OR3A2: variants seen among roughly 807,000 people sequenced by gnomAD.
OR3A2 encodes olfactory receptor 3A2.
For synonymous variants in OR3A2, 126 were observed against 159.3 expected (o/e 0.79, Z 1.57); for missense variants, 318 against 392.8 (o/e 0.81, Z 1.61).
At chr17:3,374,137 G>A (rs1232472247) in intron 2 of OR3A2, among the ~76,000 whole-genome samples, 1 of 152,126 alleles carries the variant, frequency 6.6e-6, no homozygotes, top group Admixed American at 6.5e-5. Context: ...AATCCCTTCT[G>A]GCTTGTAGGG....
At chr17:3,283,830 C>T (rs1597316693) in intron 1 of OR3A2, among the ~76,000 whole-genome samples, 1 of 150,812 alleles carries the variant, frequency 6.6e-6, no homozygotes, top group Non-Finnish European at 1.5e-5. Flanking sequence ...AGAAGAACCA[C>T]TAAACAGCTG....
intron 3 of OR3A2, among the ~76,000 whole-genome samples, chr17:3,300,848 C>T (rs1389934151): frequency 6.9e-6 from 1 of 145,956 alleles, no homozygotes; most frequent in Non-Finnish European, 1.5e-5. Flanking sequence ...CCCCTCCCCC[C>T]ATCCCACGAC....
At chr17:3,276,522 A>G (rs891167266), downstream of OR3A2, among the ~76,000 whole-genome samples, 2 of 152,232 alleles carry the variant, frequency 1.3e-5, no homozygotes, top group African/African-American at 2.4e-5. Flanking sequence ...TAGGTATAAC[A>G]TTCTGAATAA....
chr17:3,372,535 T>C (rs230400), intron 2 of OR3A2, among the ~76,000 whole-genome samples: 3,037 of 151,978 alleles, frequency 0.02, 111 homozygotes, highest in African/African-American at 0.067. Flanking sequence ...CTGGGCACCA[T>C]TGAGCACTGA....
At chr17:3,292,022 G>A (rs750688172) in intron 3 of OR3A2, 11 of 1,614,240 alleles carry the variant, frequency 6.8e-6, no homozygotes, top group Non-Finnish European at 9.3e-6. Flanking sequence ...AGAGCTGGAA[G>A]AGCTGTGGGA....
rs573020254 is a variant in OR3A2, at chr17:3,349,416, A to C, written c.-178-13290T>G. The stretch of plus-strand genomic sequence containing the variant: ...GATAAAACAGACTTTAAACCAACAA[A>C]GATCAAAAGAGACAAAGAAGGCCAT... On this transcript the variant is annotated intron_variant, in intron 2 of 4. Transcript: ENST00000573491. Among the ~76,000 whole-genome samples, 13 of 151,790 alleles carry C rather than the reference A, an allele frequency of 8.6e-5. No individual in the cohort carries two copies. The South Asian group carries it at 2.7e-3, about 32-fold the overall frequency.
intron 3 of OR3A2, among the ~76,000 whole-genome samples, chr17:3,323,782 C>T (rs556920647): frequency 6.6e-6 from 1 of 152,020 alleles, no homozygotes; most frequent in South Asian, 2.1e-4. Context: ...TCTCTGGCTG[C>T]CCTTAACATT....
chr17:3,372,048 G>A (rs2049632375), intron 2 of OR3A2, among the ~76,000 whole-genome samples: 4 of 136,150 alleles, frequency 2.9e-5, no homozygotes, highest in African/African-American at 1.2e-4. Flanking sequence ...CCGGGCGGAG[G>A]GGCTCCTCAC....
intron 2 of OR3A2, among the ~76,000 whole-genome samples, chr17:3,348,461 G>C (rs563440454): frequency 2.0e-5 from 3 of 152,186 alleles, no homozygotes; most frequent in East Asian, 1.9e-4. Context: ...GAAATGAAGC[G>C]AGAAGGGAAG....
intron 2 of OR3A2, among the ~76,000 whole-genome samples, chr17:3,338,173 C>T (rs1258394827): frequency 6.6e-6 from 1 of 152,066 alleles, no homozygotes; most frequent in Non-Finnish European, 1.5e-5. Flanking sequence ...GGACATTAGC[C>T]CTTTGTCAGA....
chr17:3,320,411 T>C (rs1262848536), intron 3 of OR3A2, among the ~76,000 whole-genome samples: 2 of 143,674 alleles, frequency 1.4e-5, no homozygotes, highest in African/African-American at 2.6e-5. Context: ...TTTTGTCTTT[T>C]GTTGCCATTG....
chr17:3,344,661 T>C (rs1436791371), intron 2 of OR3A2, among the ~76,000 whole-genome samples: 1 of 152,136 alleles, frequency 6.6e-6, no homozygotes, highest in African/African-American at 2.4e-5. Flanking sequence ...ACCACCTACA[T>C]AACCACACTC....
chr17:3,314,882 T>C (rs2049069138), intron 3 of OR3A2, among the ~76,000 whole-genome samples: 1 of 152,166 alleles, frequency 6.6e-6, no homozygotes, highest in South Asian at 2.1e-4. Context: ...TCTCTTGTTC[T>C]CATATTTATG....
At chr17:3,376,521 G>A (rs1301389329) in intron 2 of OR3A2, among the ~76,000 whole-genome samples, 1 of 152,120 alleles carries the variant, frequency 6.6e-6, no homozygotes, top group South Asian at 2.1e-4. Context: ...GTTCCCAGGG[G>A]GAATATGGCT....
At chr17:3,372,127 G>A (rs1448048372) in intron 2 of OR3A2, among the ~76,000 whole-genome samples, 6 of 149,980 alleles carry the variant, frequency 4.0e-5, no homozygotes, top group East Asian at 2.1e-4. Context: ...AGGCAGAGAC[G>A]CTCCTCACCT....
intron 3 of OR3A2, among the ~76,000 whole-genome samples, chr17:3,308,937 G>A (rs1305259779): frequency 3.1e-5 from 4 of 130,620 alleles, no homozygotes; most frequent in Non-Finnish European, 6.5e-5. Context: ...ACTGAGTCTC[G>A]CTCTGTCACC....
At chr17:3,322,437 T>C (rs535180411) in intron 3 of OR3A2, among the ~76,000 whole-genome samples, 3 of 152,316 alleles carry the variant, frequency 2.0e-5, no homozygotes. Flanking sequence ...TTGCTCTTGC[T>C]TCTCTAGTTC....
rs374193943 is a variant in OR3A2, at chr17:3,278,000, T to C, written c.918A>G (p.Gln306=). The stretch of plus-strand genomic sequence containing the variant: ...TCAGTGATCTCCTCCCCAAAAATAT[T>C]TGCCACAGAGCACCCTGAACATCAG... The change falls in exon 2 of 2, where the codon CAA becomes CAG. Residue 306 remains glutamine (Q), a synonymous_variant. Coordinates refer to ENST00000642052, the Ensembl canonical transcript of OR3A2. The C allele has an allele frequency of 3.1e-6, 5 of 1,601,146 alleles. No homozygotes were observed. The African/African-American group carries it at 5.4e-5, about 17-fold the overall frequency.
At chr17:3,339,757 G>A (rs192526619) in intron 2 of OR3A2, among the ~76,000 whole-genome samples, 1 of 152,100 alleles carries the variant, frequency 6.6e-6, no homozygotes, top group East Asian at 1.9e-4. Flanking sequence ...TCTCTACCAG[G>A]CTTTGGAATC....
Sources: gnomAD v4.1 joint callset for allele counts (sites outside exome capture counted in the v4.1 genomes callset) on GRCh38, gnomAD v4.1.1 for gene constraint, MANE v1.5 for transcripts, NCBI Gene and HGNC (gene_info 2026-07-23, HGNC 2026-07-21) for gene names.